The following HHIP variants were observed in gnomAD, a reference collection of about 807,000 sequenced individuals.
HHIP encodes hedgehog interacting protein.
A neutral mutation model predicts 74.0 loss-of-function variants in HHIP; 12 were observed. The observed-to-expected ratio is 0.16, with a 90% CI of 0.10 to 0.26. The LOEUF is 0.26. HHIP is among the 10% of genes least tolerant of loss of function. HHIP has a pLI of 1.00. For missense variants in HHIP, 788 were observed against 845.0 expected, an observed-to-expected ratio of 0.93 and a Z score of 0.84; for synonymous variants, 309 against 311.6, an observed-to-expected ratio of 0.99 and a Z score of 0.09.
chr4:144,687,563 T>C (rs1729525242), intron 4 of HHIP, among the ~76,000 whole-genome samples: 1 of 152,122 alleles, frequency 6.6e-6, no homozygotes, highest in Non-Finnish European at 1.5e-5. Flanking sequence ...GTGAGCCTTA[T>C]GTGGGAAAAG....
rs118005656 is a variant in HHIP, at chr4:144,711,028, T to C, written c.1302-922T>C. On this transcript the variant is annotated intron_variant, in intron 7 of 12. Coordinates refer to ENST00000296575, the MANE Select transcript of HHIP (RefSeq NM_022475.3). Reference sequence around the variant, plus strand: ...GGCTTTGAACCAGATAACAGGAAGATAGTGATGAAGTTGCAAGTCCTCCCC... The same window carrying C: ...GGCTTTGAACCAGATAACAGGAAGACAGTGATGAAGTTGCAAGTCCTCCCC... 8.9e-4 allele frequency among the ~76,000 whole-genome samples: 122 copies of C among 137,678 alleles called. 1 individual carries two copies. In the East Asian group the frequency reaches 0.024, roughly 27 times the overall value. 90.3% of individuals were successfully genotyped at this position (137,678 alleles called of 152,430 possible).
intron 4 of HHIP, among the ~76,000 whole-genome samples, chr4:144,670,764 GAAAA>G (rs1167213848): frequency 0.019 from 1,045 of 54,920 alleles, 9 homozygotes; most frequent in African/African-American, 0.053. Flanking sequence ...CTTAAGATTT[GAAAA>G]AAAAAAAAAA....
intron 11 of HHIP, among the ~76,000 whole-genome samples, chr4:144,727,506 T>C (rs555169673): frequency 6.6e-6 from 1 of 152,294 alleles, no homozygotes; most frequent in African/African-American, 2.4e-5. Context: ...GAAATGCCTA[T>C]TTTTCTATAT....
At chr4:144,697,556 C>T (rs578171094) in intron 4 of HHIP, among the ~76,000 whole-genome samples, 2 of 152,008 alleles carry the variant, frequency 1.3e-5, no homozygotes, top group Non-Finnish European at 2.9e-5. Context: ...TCAACTGCTG[C>T]CTGAGCAAGA....
At position 144,646,168 on chromosome 4, in the gene HHIP, G is replaced by A. The variant is rs201669566; in HGVS notation, c.-508G>A. The A allele has an allele frequency of 5.7e-4, 88 of 154,278 alleles. No homozygotes were observed. The highest frequency in any genetic ancestry group is 6.4e-3 in the Middle Eastern group (2 of 312). The allele number at this position is 154,278 out of a possible 1,614,324, so 9.6% of individuals were successfully genotyped here. On this transcript the variant is annotated 5_prime_UTR_variant, in exon 1 of 13. In the 5' UTR this introduces an upstream ATG that the reference lacks. Coordinates refer to ENST00000296575, the MANE Select transcript of HHIP (RefSeq NM_022475.3). ...GAGGGAACGAAACATGAGAGGCTGT[G>A]TGAGAAGCTGCAGCCGCCGGCAGAG...
In HHIP at chr4:144,742,992, A is replaced by G. The variant is rs1334238497; in HGVS notation, c.*5035A>G. 1.0e-3 allele frequency: 1 copy of G among 982 alleles called. No homozygotes were observed. The highest frequency in any genetic ancestry group is 2.0e-3 in the Non-Finnish European group (1 of 510). 0.1% of individuals were successfully genotyped at this position (982 alleles called of 1,614,324 possible). Reference sequence around the variant, plus strand: ...ATATGTATATATATATACATTATATATATATAATATATATATATTATATAT... The same window carrying G: ...ATATGTATATATATATACATTATATGTATATAATATATATATATTATATAT... On this transcript the variant is annotated 3_prime_UTR_variant, in exon 13 of 13. Coordinates refer to ENST00000296575, the MANE Select transcript of HHIP (RefSeq NM_022475.3).
rs1051466875 is a variant in HHIP, at chr4:144,683,738, T to C, written c.832-22793T>C. Among the ~76,000 whole-genome samples, 36 of 152,240 alleles carry C rather than the reference T, an allele frequency of 2.4e-4. 1 individual carries two copies. The highest frequency in any genetic ancestry group is 1.5e-5 in the Non-Finnish European group (1 of 68,042). ...ACATCATTTGTTTATGTATTCTCTGTGGCTACTTTTGTGCTACAACAGCGA... is the reference window on the plus strand; with the variant it reads ...ACATCATTTGTTTATGTATTCTCTGCGGCTACTTTTGTGCTACAACAGCGA... On this transcript the variant is annotated intron_variant, in intron 4 of 12. Coordinates refer to ENST00000296575, the MANE Select transcript of HHIP (RefSeq NM_022475.3).
At chr4:144,678,624 T>C (rs1213775039) in intron 4 of HHIP, among the ~76,000 whole-genome samples, 2 of 152,096 alleles carry the variant, frequency 1.3e-5, no homozygotes, top group Admixed American at 6.5e-5. Flanking sequence ...CTCCAACTTA[T>C]CAGTGAGAAC....
chr4:144,658,805 C>T lies in HHIP; in HGVS notation c.488C>T (p.Thr163Ile). 2 of 1,612,214 alleles carry T rather than the reference C, an allele frequency of 1.2e-6. No individual in the cohort carries two copies. The highest frequency in any genetic ancestry group is 2.2e-5 in the South Asian group (2 of 90,708). The change falls in exon 3 of 13, where the codon ACT (threonine) becomes ATT (isoleucine). Residue 163 changes from threonine to isoleucine, a missense_variant. Physicochemically the swap from Thr to Ile is moderately conservative, Grantham distance 89. Around this residue, in one of 3 missense-constraint regions of HHIP, gnomAD observed 373 missense variants for 366.4 expected, o/e 1.02. Coordinates refer to ENST00000296575, the MANE Select transcript of HHIP (RefSeq NM_022475.3). Reference sequence around the variant, plus strand: ...TTTTTTAAAGGTTTCCTTCAAACAACTGCGGATGAGTTTTGCTTTTACTAT... The same window carrying T: ...TTTTTTAAAGGTTTCCTTCAAACAATTGCGGATGAGTTTTGCTTTTACTAT... ...RGHIPGFLQT[T>I]ADEFCFYYAR...
intron 11 of HHIP, among the ~76,000 whole-genome samples, chr4:144,724,004 C>A (rs547155585): frequency 1.9e-3 from 295 of 152,202 alleles, no homozygotes; most frequent in African/African-American, 6.7e-3. Flanking sequence ...AATACCTTTT[C>A]ATCTAACAAA....
intron 4 of HHIP, among the ~76,000 whole-genome samples, chr4:144,698,313 C>T (rs570594272): frequency 3.6e-4 from 55 of 152,292 alleles, no homozygotes; most frequent in African/African-American, 1.1e-3. Context: ...GAGTCAACAA[C>T]GGACCACATA....
Position 144,721,884 on chromosome 4 carries a change from C to T in HHIP, c.1760+2928C>T, listed in dbSNP as rs535486590. ...TGCCATTGCACTCCAGCCTGGGTGACAGAGCAAGACTCTGTCTCAAAAAAA... is the reference window on the plus strand; with the variant it reads ...TGCCATTGCACTCCAGCCTGGGTGATAGAGCAAGACTCTGTCTCAAAAAAA... On this transcript the variant is annotated intron_variant, in intron 11 of 12. Coordinates refer to ENST00000296575, the MANE Select transcript of HHIP (RefSeq NM_022475.3). 5.9e-4 allele frequency among the ~76,000 whole-genome samples: 87 copies of T among 147,108 alleles called. 2 individuals are homozygous for T. Among genetic ancestry groups the T allele is most frequent in the African/African-American group, 1.3e-4 (5 of 39,608 alleles).
Position 144,682,272 on chromosome 4 carries a change from C to T in HHIP, c.831+22434C>T, listed in dbSNP as rs78594569. Among the ~76,000 whole-genome samples the T allele has an allele frequency of 3.9e-5, 6 of 152,274 alleles. No individual in the cohort carries two copies. In the East Asian group the frequency reaches 5.8e-4, roughly 15 times the overall value. On this transcript the variant is annotated intron_variant, in intron 4 of 12. Coordinates refer to ENST00000296575, the MANE Select transcript of HHIP (RefSeq NM_022475.3). ...AACATACTCTGAAAGTTAGACAGCA[C>T]GAGTAATAGATTCCTTTAGGGATAA... is the stretch of plus-strand genomic sequence containing the variant.
intron 10 of HHIP, among the ~76,000 whole-genome samples, chr4:144,717,529 T>G (rs1195188399): frequency 6.6e-6 from 1 of 152,120 alleles, no homozygotes; most frequent in African/African-American, 2.4e-5. Flanking sequence ...AAATATAAAT[T>G]TTAAAACTTT....
In HHIP at chr4:144,745,112, G is replaced by A. The variant is rs1448430292; in HGVS notation, c.*7155G>A. The A allele has an allele frequency of 6.6e-6, 1 of 152,110 alleles. No individual in the cohort carries two copies. Among genetic ancestry groups the A allele is most frequent in the Non-Finnish European group, 1.5e-5 (1 of 68,014 alleles). 9.4% of individuals were successfully genotyped at this position (152,110 alleles called of 1,614,324 possible). Reference sequence around the variant, plus strand: ...AGAGAATTGGTTTTATTGTTGATCTGTGGATTTAATGATTTCTAGGTGAAA... The same window carrying A: ...AGAGAATTGGTTTTATTGTTGATCTATGGATTTAATGATTTCTAGGTGAAA... On this transcript the variant is annotated 3_prime_UTR_variant, in exon 13 of 13. Transcript: ENST00000296575.
intron 11 of HHIP, among the ~76,000 whole-genome samples, chr4:144,734,005 T>G (rs1271307710): frequency 2.0e-5 from 3 of 152,036 alleles, no homozygotes; most frequent in African/African-American, 4.8e-5. Flanking sequence ...CTTTTTTCCT[T>G]ATAGCAGGAC....
chr4:144,704,432 A>G (rs1394148531), intron 4 of HHIP, among the ~76,000 whole-genome samples: 1 of 152,180 alleles, frequency 6.6e-6, no homozygotes, highest in Non-Finnish European at 1.5e-5. Context: ...AAATGCCCCC[A>G]AAGTCATTTA....
rs1682404045 is a variant in HHIP at position 144,742,177 on chromosome 4, T to C, written c.*4220T>C. On this transcript the variant is annotated 3_prime_UTR_variant, in exon 13 of 13. Coordinates refer to ENST00000296575, the MANE Select transcript of HHIP (RefSeq NM_022475.3). ...AATAGACATGTTCTCAATACACCCA[T>C]GTTGAAGGTATCCTGGGCTAGATTG... The C allele has an allele frequency of 6.6e-6, 1 of 152,140 alleles. No homozygotes were observed. Among genetic ancestry groups the C allele is most frequent in the South Asian group, 2.1e-4 (1 of 4,820 alleles). 9.4% of individuals were successfully genotyped at this position (152,140 alleles called of 1,614,324 possible).
chr4:144,738,271 TAGAAG>T lies in HHIP; in HGVS notation c.*318_*322del. 1 of 986,698 alleles carries T rather than the reference TAGAAG, an allele frequency of 1.0e-6. No individual in the cohort carries two copies. The highest frequency in any genetic ancestry group is 1.2e-6 in the Non-Finnish European group (1 of 827,834). The allele number at this position is 986,698 out of a possible 1,614,324, so 61.1% of individuals were successfully genotyped here. The stretch of plus-strand genomic sequence containing the variant: ...ATTGATAATGGATTTTTTATGTTAC[TAGAAG>T]AGATTATTTGACTTCCCAGGAATTT... On this transcript the variant is annotated 3_prime_UTR_variant, in exon 13 of 13. Coordinates refer to ENST00000296575, the MANE Select transcript of HHIP (RefSeq NM_022475.3).
Sources: gnomAD v4.1 joint callset for allele counts (sites outside exome capture counted in the v4.1 genomes callset) on GRCh38, gnomAD v4.1.1 for gene constraint, gnomAD v4.1.1 regional missense constraint, MANE v1.5 for transcripts, NCBI Gene and HGNC (gene_info 2026-07-23, HGNC 2026-07-21) for gene names.